TULP2: variants seen among roughly 807,000 people sequenced by gnomAD.
TULP2 encodes the protein tubby-related protein 2.
In TULP2, 64 loss-of-function variants were observed where a neutral mutation model predicts 60.3. The ratio of observed to expected loss-of-function variants is 1.06; its 90% confidence interval spans 0.87 to 1.31. TULP2 has a LOEUF of 1.31. Ranked by LOEUF, TULP2 falls within the 50% of genes most tolerant of loss-of-function variation. The probability of loss-of-function intolerance (pLI) is 0.00; values close to 1 mark genes in which losing one functional copy is unlikely to be tolerated. For missense variants in TULP2, 652 were observed against 667.0 expected (o/e 0.98, Z 0.25); for synonymous variants, 267 against 265.4 (o/e 1.01, Z -0.06).
Position 48,895,056 on chromosome 19 carries a change from T to C in TULP2, c.456A>G (p.Pro152=). The change falls in exon 6 of 13, where the codon CCA becomes CCG. Residue 152 remains proline (P), a synonymous_variant. Transcript: ENST00000221399. ...VSVENGSVSP[P]PFKQSPRIRR... ...GGATTCTCGGAGACTGTTTAAAAGG[T>C]GGGGGAGAGACGGAACCATTCTCCA... 6.2e-7 allele frequency: 1 copy of C among 1,613,836 alleles called. No individual in the cohort carries two copies. The highest frequency in any genetic ancestry group is 8.5e-7 in the Non-Finnish European group (1 of 1,179,966).
intron 7 of TULP2, 76 bp from the exon 8 acceptor site, chr19:48,888,337 G>C: frequency 6.9e-7 from 1 of 1,450,300 alleles, no homozygotes; most frequent in Non-Finnish European, 9.3e-7. Context: ...GACCATCCCA[G>C]CCCTAGGGTC....
intron 9 of TULP2, 149 bp from the exon 10 acceptor site, chr19:48,884,195 G>GTGAGCCCCTGT: frequency 3.0e-6 from 2 of 675,544 alleles, no homozygotes; most frequent in Non-Finnish European, 5.0e-6. Flanking sequence ...TGGGCACAGG[G>GTGAGCCCCTGT]GCTCACACCT....
intron 5 of TULP2, 89 bp from the exon 6 acceptor site, chr19:48,895,251 T>G: frequency 6.4e-7 from 1 of 1,571,832 alleles, no homozygotes; most frequent in Non-Finnish European, 8.6e-7. Context: ...GAGGAAGGAG[T>G]GGGTGCGGTC....
intron 9 of TULP2, among the ~76,000 whole-genome samples, chr19:48,884,257 C>T (rs1021480440): frequency 2.7e-5 from 4 of 150,642 alleles, no homozygotes; most frequent in African/African-American, 9.8e-5. Flanking sequence ...TGAGCCTGGG[C>T]AAAATGGCAA....
At chr19:48,882,946 A>C (rs1048865839) in intron 11 of TULP2, among the ~76,000 whole-genome samples, 1 of 152,202 alleles carries the variant, frequency 6.6e-6, no homozygotes, top group African/African-American at 2.4e-5. Flanking sequence ...ACTGCCGGGC[A>C]CGGTGGCTCA....
chr19:48,883,473 C>T (rs1196650477), intron 11 of TULP2, among the ~76,000 whole-genome samples: 1 of 152,156 alleles, frequency 6.6e-6, no homozygotes, highest in Non-Finnish European at 1.5e-5. Context: ...TCTTTCTTGC[C>T]TGAGATCCAA....
intron 8 of TULP2, among the ~76,000 whole-genome samples, chr19:48,887,194 G>T (rs767701671): frequency 7.3e-5 from 11 of 150,116 alleles, no homozygotes; most frequent in Admixed American, 4.7e-4. Flanking sequence ...GTATTTTTTA[G>T]TAGAGACGAT....
intron 6 of TULP2, among the ~76,000 whole-genome samples, chr19:48,892,924 CA>C (rs143051860): frequency 0.13 from 16,277 of 129,492 alleles, 1,142 homozygotes; most frequent in Non-Finnish European, 0.18. Flanking sequence ...GACTCCGTCT[CA>C]AAAAAAAAAA....
Position 48,897,840 on chromosome 19 carries a change from C to G in TULP2, c.29G>C (p.Arg10Thr). The change falls in exon 2 of 13, where the codon AGA becomes ACA. Residue 10 changes from arginine (R) to threonine (T), a missense_variant. Arg to Thr is a moderately conservative substitution (Grantham distance 71). Transcript: ENST00000221399. This position sits in a 1 kb window ranked among gnomAD's most constrained non-coding sequence, Gnocchi z 4.0. The part of the protein sequence containing the change: MSQDNDTLM[R>T]DILGHELAAM... Reference sequence around the variant, plus strand: ...ACCCATCTGTTTCCCTACTCACTCTCTCATCAATGTGTCATTATCCTGAGA... The same window carrying G: ...ACCCATCTGTTTCCCTACTCACTCTGTCATCAATGTGTCATTATCCTGAGA... 1 of 1,613,816 alleles carries G rather than the reference C, an allele frequency of 6.2e-7. No individual in the cohort carries two copies. Among genetic ancestry groups the G allele is most frequent in the Admixed American group, 1.7e-5 (1 of 59,964 alleles).
rs760475230 is a variant in TULP2 at position 48,882,130 on chromosome 19, G to A, written c.1349C>T (p.Pro450Leu). ...QGLLLLHNKTPSWDKENGVYT... is the reference protein window; with the variant it reads ...QGLLLLHNKTLSWDKENGVYT... ...GACACCGTTCTCCTTGTCCCACGAC[G>A]GGGTTTTGTTGTGCAACAAAAGCAA... is the stretch of plus-strand genomic sequence containing the variant. Residue 450 changes from proline (P) to leucine (L), a missense_variant, in exon 12 of 13, where the codon CCG (proline) becomes CTG (leucine). By Grantham distance (98) the Pro-to-Leu change is moderately conservative. Coordinates refer to ENST00000221399, the MANE Select transcript of TULP2 (RefSeq NM_003323.3). The A allele has an allele frequency of 8.7e-6, 14 of 1,613,976 alleles. No individual in the cohort carries two copies. Among genetic ancestry groups the A allele is most frequent in the African/African-American group, 5.3e-5 (4 of 74,868 alleles).
At position 48,883,816 on chromosome 19, in the gene TULP2, T is replaced by G; in HGVS notation, c.1213A>C (p.Met405Leu). ...NVLGYLGPRKMTVILPGTNSQ... is the reference protein window; with the variant it reads ...NVLGYLGPRKLTVILPGTNSQ... Reference sequence around the variant, plus strand: ...TTGGTTCCTGGGAGAATCACAGTCATTTTCCGAGGCCCCAGGTATCCTAAG... The same window carrying G: ...TTGGTTCCTGGGAGAATCACAGTCAGTTTCCGAGGCCCCAGGTATCCTAAG... The change falls in exon 11 of 13, where the codon ATG becomes CTG. Residue 405 changes from methionine to leucine, a missense_variant. Coordinates refer to ENST00000221399, the MANE Select transcript of TULP2 (RefSeq NM_003323.3). The G allele has an allele frequency of 1.2e-6, 2 of 1,614,062 alleles. No homozygotes were observed. The highest frequency in any genetic ancestry group is 1.7e-6 in the Non-Finnish European group (2 of 1,179,992).
Position 48,882,059 on chromosome 19 carries a change from T to C in TULP2, c.1420A>G (p.Asn474Asp). ...TGTTTGGGATCCACGATTTGGAAGT[T>C]CTTCACCGAAGCCCGAGTGACTCGA... ...HGRVTRASVKNFQIVDPKHQE... is the reference protein window; with the variant it reads ...HGRVTRASVKDFQIVDPKHQE... The change falls in exon 12 of 13, where the codon AAC becomes GAC. Residue 474 changes from asparagine to aspartate, a missense_variant. Physicochemically the swap from Asn to Asp is conservative, Grantham distance 23. Coordinates refer to ENST00000221399, the MANE Select transcript of TULP2 (RefSeq NM_003323.3). The C allele has an allele frequency of 6.2e-7, 1 of 1,614,184 alleles. No homozygotes were observed. Among genetic ancestry groups the C allele is most frequent in the Non-Finnish European group, 8.5e-7 (1 of 1,180,022 alleles).
chr19:48,896,893 T>A (rs1425625602), intron 3 of TULP2, among the ~76,000 whole-genome samples: 2 of 151,038 alleles, frequency 1.3e-5, no homozygotes, highest in Non-Finnish European at 3.0e-5. Flanking sequence ...TTTCTTACTT[T>A]TTTTTTTTCT....
Position 48,882,126 on chromosome 19 carries a change from C to T in TULP2, c.1353G>A (p.Ser451=), listed in dbSNP as rs1568567318. The T allele has an allele frequency of 6.2e-7, 1 of 1,614,150 alleles. No individual in the cohort carries two copies. The highest frequency in any genetic ancestry group is 8.5e-7 in the Non-Finnish European group (1 of 1,180,024). ...GLLLLHNKTP[S]WDKENGVYTL... ...TGTAGACACCGTTCTCCTTGTCCCA[C>T]GACGGGGTTTTGTTGTGCAACAAAA... The change falls in exon 12 of 13, where the codon TCG becomes TCA. Residue 451 remains serine (S), a synonymous_variant. Coordinates refer to ENST00000221399, the MANE Select transcript of TULP2 (RefSeq NM_003323.3).
intron 6 of TULP2, among the ~76,000 whole-genome samples, chr19:48,890,641 G>C (rs1251257504): frequency 6.6e-6 from 1 of 152,174 alleles, no homozygotes; most frequent in Non-Finnish European, 1.5e-5. Flanking sequence ...AGGACAGCTG[G>C]ATCCCAGGAG....
intron 5 of TULP2, 48 bp from the exon 6 acceptor site, chr19:48,895,210 G>C: frequency 6.3e-7 from 1 of 1,597,674 alleles, no homozygotes; most frequent in Non-Finnish European, 8.5e-7. Context: ...GCTGCAGGAG[G>C]AGGCGGCTCA....
chr19:48,885,325 C>G, intron 9 of TULP2, 123 bp downstream of exon 9: 1 of 752,754 alleles, frequency 1.3e-6, no homozygotes, highest in Non-Finnish European at 2.2e-6. Context: ...GTTCCAAACC[C>G]TTCAGTTCTT....
intron 3 of TULP2, among the ~76,000 whole-genome samples, chr19:48,896,984 G>C (rs1049904841): frequency 1.3e-5 from 2 of 151,956 alleles, no homozygotes; most frequent in East Asian, 3.9e-4. Context: ...CCGCCTCCCG[G>C]ATTCAAACGA....
rs773446995 is a variant in TULP2, at chr19:48,893,567, TC to T, written c.514+1430del. ...ACTATTTCTTTCTTTCTTTTTTTTT[TC>T]CTTGAGACAAAGTCTCGCTCTTTCA... is the stretch of plus-strand genomic sequence containing the variant. On this transcript the variant is annotated intron_variant, in intron 6 of 12. Coordinates refer to ENST00000221399, the MANE Select transcript of TULP2 (RefSeq NM_003323.3). 9.3e-4 allele frequency among the ~76,000 whole-genome samples: 142 copies of T among 152,180 alleles called. 2 individuals carry two copies. The highest frequency in any genetic ancestry group is 3.4e-3 in the Middle Eastern group (1 of 294).
Sources: gnomAD v4.1 joint callset for allele counts (sites outside exome capture counted in the v4.1 genomes callset) on GRCh38, gnomAD v4.1.1 for gene constraint, Gnocchi (gnomAD v3.1) non-coding constraint, MANE v1.5 for transcripts, NCBI Gene and HGNC (gene_info 2026-07-23, HGNC 2026-07-21) for gene names.